Variants in NKAIN3 observed in about 807,000 individuals in gnomAD.
NKAIN3 encodes sodium/potassium-transporting ATPase subunit beta-1-interacting protein 3.
In NKAIN3, 25 loss-of-function variants were observed where a neutral mutation model predicts 30.2. The observed-to-expected ratio is 0.83, with a 90% CI of 0.60 to 1.16. NKAIN3 has a LOEUF of 1.16. NKAIN3 is among the 50% of genes most tolerant of loss of function. NKAIN3 has a pLI of 0.00. For missense variants in NKAIN3, 225 were observed against 254.1 expected, an observed-to-expected ratio of 0.89 and a Z score of 0.78; for synonymous variants, 91 against 89.6, an observed-to-expected ratio of 1.02 and a Z score of -0.09.
chr8:62,804,887 T>C (rs1452369088), intron 4 of NKAIN3, among the ~76,000 whole-genome samples: 1 of 152,226 alleles, frequency 6.6e-6, no homozygotes, highest in Non-Finnish European at 1.5e-5. Flanking sequence ...GACATGATTG[T>C]ATATCCAGAA....
At chr8:62,279,641 C>T (rs1163600036) in intron 1 of NKAIN3, among the ~76,000 whole-genome samples, 1 of 152,146 alleles carries the variant, frequency 6.6e-6, no homozygotes, top group Non-Finnish European at 1.5e-5. Flanking sequence ...ATCCTTTCCC[C>T]ATTTCTTGTT....
At position 62,373,523 on chromosome 8, in the gene NKAIN3, T is replaced by G. The variant is rs1049859509; in HGVS notation, c.54+124396T>G. On this transcript the variant is annotated intron_variant, in intron 1 of 6. Coordinates refer to ENST00000623646, the MANE Select transcript of NKAIN3 (RefSeq NM_001304533.3). ...ATGCCTTATTTATACTCTGCCAGTT[T>G]GGAAATTTAGAACCCTTCCAAACCA... Among the ~76,000 whole-genome samples the G allele has an allele frequency of 3.3e-5, 5 of 152,200 alleles. No homozygotes were observed. In the East Asian group the frequency reaches 9.6e-4, roughly 29 times the overall value.
chr8:62,539,553 C>T (rs1359819646), intron 1 of NKAIN3, among the ~76,000 whole-genome samples: 3 of 152,130 alleles, frequency 2.0e-5, no homozygotes, highest in Non-Finnish European at 2.9e-5. Flanking sequence ...CAAATAACAC[C>T]TACACTGCAC....
intron 1 of NKAIN3, among the ~76,000 whole-genome samples, chr8:62,346,323 CTG>C (rs1160311038): frequency 1.3e-5 from 2 of 152,062 alleles, no homozygotes; most frequent in Non-Finnish European, 2.9e-5. Context: ...AAACATCACA[CTG>C]TAACCTATAA....
rs934810447 is a variant in NKAIN3, at chr8:62,339,260, C to T, written c.54+90133C>T. 2.0e-5 allele frequency among the ~76,000 whole-genome samples: 3 copies of T among 152,122 alleles called. No individual in the cohort carries two copies. In the South Asian group the frequency reaches 6.2e-4, roughly 32 times the overall value. On this transcript the variant is annotated intron_variant, in intron 1 of 6. Coordinates refer to ENST00000623646, the MANE Select transcript of NKAIN3 (RefSeq NM_001304533.3). ...GATGAGAGAGAAAGGTAGACAGGAA[C>T]TGATCTCACAGGGCCTACTAGGCCA...
chr8:62,577,236 T>C (rs1192194832), intron 1 of NKAIN3, among the ~76,000 whole-genome samples: 3 of 152,050 alleles, frequency 2.0e-5, no homozygotes, highest in African/African-American at 7.2e-5. Flanking sequence ...TCTCAGGGAA[T>C]AAATATTAAT....
At chr8:62,673,510 G>T (rs941900042) in intron 3 of NKAIN3, among the ~76,000 whole-genome samples, 1 of 152,156 alleles carries the variant, frequency 6.6e-6, no homozygotes, top group African/African-American at 2.4e-5. Flanking sequence ...TCTACCTAGG[G>T]TCTTGTCTCT....
At chr8:62,420,226 A>T (rs1295417951) in intron 1 of NKAIN3, among the ~76,000 whole-genome samples, 1 of 152,214 alleles carries the variant, frequency 6.6e-6, no homozygotes, top group Non-Finnish European at 1.5e-5. Flanking sequence ...TTACCTGTTC[A>T]TGTAATTTAC....
At chr8:62,822,169 A>G (rs1053265360) in intron 4 of NKAIN3, among the ~76,000 whole-genome samples, 1 of 152,204 alleles carries the variant, frequency 6.6e-6, no homozygotes, top group Non-Finnish European at 1.5e-5. Flanking sequence ...AAAGGCACCA[A>G]CTGACCTATA....
chr8:62,920,775 A>G (rs1300575370), intron 5 of NKAIN3, among the ~76,000 whole-genome samples: 1 of 152,194 alleles, frequency 6.6e-6, no homozygotes, highest in African/African-American at 2.4e-5. Flanking sequence ...TATTGTCATC[A>G]ATTCAAATTG....
At chr8:62,638,638 A>G (rs1364610768) in intron 3 of NKAIN3, among the ~76,000 whole-genome samples, 1 of 152,120 alleles carries the variant, frequency 6.6e-6, no homozygotes, top group Non-Finnish European at 1.5e-5. Flanking sequence ...GGCATCACTT[A>G]TTAGTATTGC....
At chr8:62,936,563 A>G (rs895214874) in intron 5 of NKAIN3, among the ~76,000 whole-genome samples, 2 of 152,118 alleles carry the variant, frequency 1.3e-5, no homozygotes, top group Non-Finnish European at 2.9e-5. Context: ...ACCATACAAA[A>G]TCACTACAAT....
chr8:62,656,171 G>A (rs1383274155), intron 3 of NKAIN3, among the ~76,000 whole-genome samples: 3 of 152,080 alleles, frequency 2.0e-5, no homozygotes, highest in African/African-American at 2.4e-5. Flanking sequence ...CTGCCATTTT[G>A]TGCCATGACT....
chr8:62,828,134 A>G (rs1334769679), intron 4 of NKAIN3, among the ~76,000 whole-genome samples: 6 of 152,198 alleles, frequency 3.9e-5, no homozygotes, highest in African/African-American at 7.2e-5. Context: ...ATGCAATAAC[A>G]TTGTAAGCAG....
chr8:62,569,196 T>A (rs976284112), intron 1 of NKAIN3, among the ~76,000 whole-genome samples: 2 of 152,180 alleles, frequency 1.3e-5, no homozygotes, highest in African/African-American at 4.8e-5. Flanking sequence ...CTGTCTAGCA[T>A]AGTGGCAAGT....
chr8:62,407,243 G>C (rs1284821218), intron 1 of NKAIN3, among the ~76,000 whole-genome samples: 1 of 150,374 alleles, frequency 6.7e-6, no homozygotes, highest in Non-Finnish European at 1.5e-5. Flanking sequence ...TATATATACA[G>C]CTATATGTAT....
At chr8:62,836,499 C>G (rs996053965) in intron 4 of NKAIN3, among the ~76,000 whole-genome samples, 1 of 152,064 alleles carries the variant, frequency 6.6e-6, no homozygotes, top group East Asian at 1.9e-4. Context: ...TACATTTCAT[C>G]TGCAAATTTC....
intron 4 of NKAIN3, among the ~76,000 whole-genome samples, chr8:62,797,778 T>C (rs1399562879): frequency 2.0e-5 from 3 of 152,160 alleles, no homozygotes; most frequent in Non-Finnish European, 4.4e-5. Flanking sequence ...AAGGAGTCTC[T>C]GAAGACAATA....
At chr8:62,287,623 C>T (rs1813422558) in intron 1 of NKAIN3, among the ~76,000 whole-genome samples, 1 of 152,128 alleles carries the variant, frequency 6.6e-6, no homozygotes, top group Non-Finnish European at 1.5e-5. Flanking sequence ...ATTAGCACCT[C>T]TGTTCGGTTA....
Sources: allele counts gnomAD v4.1 joint callset (sites outside exome capture counted in the v4.1 genomes callset), GRCh38; gene constraint gnomAD v4.1.1; transcripts MANE v1.5; gene names NCBI Gene and HGNC (gene_info 2026-07-23, HGNC 2026-07-21).